The following FAIM variants were observed in gnomAD, a reference collection of about 807,000 sequenced individuals.
The protein encoded by FAIM is fas apoptotic inhibitory molecule 1.
In FAIM, 14 loss-of-function variants were observed where a neutral mutation model predicts 21.2. The ratio of observed to expected loss-of-function variants is 0.66; its 90% CI spans 0.44 to 1.03. The LOEUF is 1.03. FAIM is among the 50% of genes least tolerant of loss of function. FAIM has a pLI of 0.00. For missense variants in FAIM, 222 were observed against 247.1 expected, an observed-to-expected ratio of 0.90 and a Z score of 0.68; for synonymous variants, 86 against 80.4, an observed-to-expected ratio of 1.07 and a Z score of -0.37.
In FAIM at chr3:138,608,811, C is replaced by G. The variant is rs2042717172; in HGVS notation, c.-143C>G. ...TACTCGCGCCTGCAGAGCTTTCAACCTCCGCGCCGGCTGCGCCTGTTTCTC... is the reference window on the plus strand; with the variant it reads ...TACTCGCGCCTGCAGAGCTTTCAACGTCCGCGCCGGCTGCGCCTGTTTCTC... On this transcript the variant is annotated 5_prime_UTR_variant, in exon 1 of 6. Transcript: ENST00000360570. 1 of 152,350 alleles carries G rather than the reference C, an allele frequency of 6.6e-6. No individual in the cohort carries two copies. Among genetic ancestry groups the G allele is most frequent in the South Asian group, 2.1e-4 (1 of 4,838 alleles). 9.4% of individuals were successfully genotyped at this position (152,350 alleles called of 1,614,324 possible).
At chr3:138,621,086 C>T (rs2042879752) in intron 2 of FAIM, 2 of 188,246 alleles carry the variant, frequency 1.1e-5, no homozygotes, top group Non-Finnish European at 2.2e-5. Flanking sequence ...TTTTACTGAC[C>T]TTTCCATGCA....
intron 5 of FAIM, chr3:138,630,403 G>A (rs2042992952): frequency 6.6e-6 from 1 of 152,156 alleles, no homozygotes; most frequent in Non-Finnish European, 1.5e-5. Context: ...AGGGACCCTT[G>A]AGCCTAGGAG....
chr3:138,622,054 A>T, intron 3 of FAIM, 134 bp from the exon 4 acceptor site: 1 of 731,578 alleles, frequency 1.4e-6, no homozygotes, highest in Non-Finnish European at 2.1e-6. Context: ...CGCTGGGATT[A>T]CAGGCATGAG....
At chr3:138,612,543 G>A (rs1028013067) in intron 1 of FAIM, among the ~76,000 whole-genome samples, 3 of 152,062 alleles carry the variant, frequency 2.0e-5, no homozygotes, top group Non-Finnish European at 2.9e-5. Flanking sequence ...CAGCCTTTTG[G>A]CCGAGATCAA....
intron 4 of FAIM, among the ~76,000 whole-genome samples, chr3:138,623,436 G>A (rs2042908780): frequency 2.0e-5 from 3 of 152,158 alleles, no homozygotes; most frequent in South Asian, 4.1e-4. Context: ...CATGAACATG[G>A]CTCACTGCAG....
intron 4 of FAIM, among the ~76,000 whole-genome samples, chr3:138,628,594 C>T (rs937721630): frequency 6.6e-6 from 1 of 151,988 alleles, no homozygotes; most frequent in South Asian, 2.1e-4. Flanking sequence ...ACGCCATTCT[C>T]CTGCCTCAGC....
At chr3:138,614,194 C>T (rs1292849544) in intron 1 of FAIM, among the ~76,000 whole-genome samples, 1 of 152,160 alleles carries the variant, frequency 6.6e-6, no homozygotes, top group Non-Finnish European at 1.5e-5. Flanking sequence ...AATCCCAGCA[C>T]TTTGGGTGGC....
intron 5 of FAIM, chr3:138,629,377 TTCATAC>T: frequency 2.2e-6 from 1 of 450,440 alleles, no homozygotes. Flanking sequence ...TGGCACTAGC[TTCATAC>T]TCTCCCTTTC....
intron 1 of FAIM, among the ~76,000 whole-genome samples, chr3:138,609,573 TCTC>T (rs2042738803): frequency 1.1e-5 from 1 of 90,168 alleles, no homozygotes; most frequent in African/African-American, 4.4e-5. Context: ...TCTCTCTCTC[TCTC>T]GACTCTCTCT....
At position 138,622,206 on chromosome 3, in the gene FAIM, T is replaced by C. The variant is rs1246490274; in HGVS notation, c.196T>C (p.Trp66Arg). Residue 66 changes from tryptophan to arginine, a missense_variant, in exon 4 of 6, where the codon TGG becomes CGG. Coordinates refer to ENST00000360570, the MANE Select transcript of FAIM (RefSeq NM_001033031.2). ...VDGKEEIRKE[W>R]MFKLVGKETF... Reference sequence around the variant, plus strand: ...TATGTAGGAAGAGATAAGAAAAGAGTGGATGTTCAAATTAGTGGGCAAAGA... The same window carrying C: ...TATGTAGGAAGAGATAAGAAAAGAGCGGATGTTCAAATTAGTGGGCAAAGA... 3.6e-5 allele frequency: 58 copies of C among 1,609,722 alleles called. 1 individual carries two copies. In the Admixed American group the frequency reaches 9.3e-4, roughly 26 times the overall value.
intron 1 of FAIM, among the ~76,000 whole-genome samples, chr3:138,611,517 A>T (rs2108331889): frequency 6.6e-6 from 1 of 152,300 alleles, no homozygotes; most frequent in South Asian, 2.1e-4. Flanking sequence ...TTAAACAGAA[A>T]CACAGTAACC....
intron 1 of FAIM, among the ~76,000 whole-genome samples, chr3:138,617,817 CTATT>C (rs2042843563): frequency 6.9e-6 from 1 of 144,220 alleles, no homozygotes; most frequent in East Asian, 2.0e-4. Flanking sequence ...GACATAGATA[CTATT>C]TATATATAGT....
At chr3:138,609,803 G>A (rs561241065) in intron 1 of FAIM, among the ~76,000 whole-genome samples, 35 of 152,008 alleles carry the variant, frequency 2.3e-4, no homozygotes, top group Non-Finnish European at 5.0e-4. Flanking sequence ...GAGCATCGTT[G>A]TATCTGGGTT....
intron 5 of FAIM, chr3:138,629,843 T>C (rs1262226464): frequency 1.3e-5 from 2 of 152,176 alleles, no homozygotes; most frequent in African/African-American, 4.8e-5. Context: ...GAAATCCCCA[T>C]CTAGATAGAC....
At chr3:138,631,545 T>A (rs1288211868) in intron 5 of FAIM, among the ~76,000 whole-genome samples, 1 of 152,204 alleles carries the variant, frequency 6.6e-6, no homozygotes, top group African/African-American at 2.4e-5. Flanking sequence ...CACAGTTGCC[T>A]TCTCATTGTA....
At chr3:138,622,019 A>G (rs2042892613) in intron 3 of FAIM, among the ~76,000 whole-genome samples, 169 bp from the exon 4 acceptor site, 2 of 151,988 alleles carry the variant, frequency 1.3e-5, no homozygotes, top group African/African-American at 4.8e-5. Context: ...TGACCTCATG[A>G]TCCGCCCGCC....
At chr3:138,609,385 A>C (rs377584223) in intron 1 of FAIM, among the ~76,000 whole-genome samples, 4 of 152,098 alleles carry the variant, frequency 2.6e-5, no homozygotes, top group East Asian at 1.9e-4. Flanking sequence ...AACGTGGAAC[A>C]GAAAGCAAGG....
At chr3:138,628,537 T>C in intron 4 of FAIM, among the ~76,000 whole-genome samples, 1 of 151,984 alleles carries the variant, frequency 6.6e-6, no homozygotes, top group Admixed American at 6.6e-5. Flanking sequence ...CAGGCTAGAG[T>C]GCAGTGGTGC....
chr3:138,633,107 C>G lies in FAIM; in HGVS notation c.*28C>G. 9 of 1,602,892 alleles carry G rather than the reference C, an allele frequency of 5.6e-6. No homozygotes were observed. The highest frequency in any genetic ancestry group is 7.7e-6 in the Non-Finnish European group (9 of 1,172,532). On this transcript the variant is annotated 3_prime_UTR_variant, in exon 6 of 6. Transcript: ENST00000360570. ...AATTTTCATCTTAAGAAGTAAAGAT[C>G]AGGACTTTTTAATTACTGTGGTAAT...
Sources: gnomAD v4.1 joint callset for allele counts (sites outside exome capture counted in the v4.1 genomes callset) on GRCh38, gnomAD v4.1.1 for gene constraint, MANE v1.5 for transcripts, NCBI Gene and HGNC (gene_info 2026-07-23, HGNC 2026-07-21) for gene names.